The following PHYH variants were observed in gnomAD, a reference collection of about 807,000 sequenced individuals.
PHYH encodes phytanoyl-CoA 2-hydroxylase.
In PHYH, 32 loss-of-function variants were observed where a neutral mutation model predicts 38.5. The observed-to-expected ratio is 0.83, with a 90% confidence interval of 0.63 to 1.12. PHYH has a LOEUF of 1.12. Ranked by LOEUF, PHYH falls within the 50% of genes most tolerant of loss-of-function variation. The pLI is 0.00. For synonymous variants in PHYH, 166 were observed against 157.9 expected, an observed-to-expected ratio of 1.05 and a Z score of -0.38; for missense variants, 426 against 434.8, an observed-to-expected ratio of 0.98 and a Z score of 0.18.
chr10:13,288,289 T>C (rs1835604140), intron 6 of PHYH, 71 bp downstream of exon 6: 6 of 1,319,646 alleles, frequency 4.5e-6, no homozygotes, highest in Non-Finnish European at 6.6e-6. Flanking sequence ...GTAAACTCTT[T>C]AGAGGTACTG....
chr10:13,288,500 A>G lies in PHYH; in HGVS notation c.538T>C (p.Tyr180His), dbSNP rs1835616642. 6.2e-7 allele frequency: 1 copy of G among 1,614,092 alleles called. No homozygotes were observed. The highest frequency in any genetic ancestry group is 1.7e-5 in the Admixed American group (1 of 60,010). Residue 180 changes from tyrosine to histidine, a missense_variant, in exon 6 of 9, where the codon TAT becomes CAT. Physicochemically the swap from Tyr to His is moderately conservative, Grantham distance 83. Transcript: ENST00000263038. ...AGATCGCTGGGCCTGAAGGGGAAAT[A>G]GTGCAGGTCCTGGTGCAGGGGGTGA... ...SRHPLHQDLHYFPFRPSDLIV... is the reference protein window; with the variant it reads ...SRHPLHQDLHHFPFRPSDLIV...
intron 5 of PHYH, among the ~76,000 whole-genome samples, chr10:13,290,986 A>G (rs945638288): frequency 4.0e-5 from 6 of 151,390 alleles, no homozygotes; most frequent in African/African-American, 1.5e-4. Flanking sequence ...AATCCCAGTT[A>G]CTTGGGAGAC....
intron 4 of PHYH, 89 bp from the exon 5 acceptor site, chr10:13,292,001 A>T: frequency 1.2e-6 from 1 of 852,658 alleles, no homozygotes; most frequent in Non-Finnish European, 1.9e-6. Flanking sequence ...TATCCACACA[A>T]GAACCAAGAA....
chr10:13,281,248 C>T, intron 7 of PHYH, 138 bp from the exon 8 acceptor site: 2 of 823,794 alleles, frequency 2.4e-6, no homozygotes, highest in Non-Finnish European at 2.0e-6. Context: ...TCCATTGCAT[C>T]CTGTGTCAAT....
intron 3 of PHYH, chr10:13,294,819 T>A: frequency 3.6e-6 from 2 of 561,494 alleles, no homozygotes; most frequent in Non-Finnish European, 6.4e-6. Flanking sequence ...AGTAGGGAAG[T>A]CTTTTTATAA....
At chr10:13,295,836 A>C (rs1426386591) in intron 2 of PHYH, among the ~76,000 whole-genome samples, 1 of 150,762 alleles carries the variant, frequency 6.6e-6, no homozygotes, top group East Asian at 1.9e-4. Context: ...TGTCTCAAAA[A>C]AAAAAAAAAA....
rs185007334 is a variant in PHYH at position 13,294,995 on chromosome 10, G to A, written c.246-399C>T. The A allele has an allele frequency of 3.8e-3, 1,239 of 324,956 alleles. 1 individual carries two copies. Among genetic ancestry groups the A allele is most frequent in the Non-Finnish European group, 6.1e-3 (1,044 of 170,326 alleles). 20.1% of individuals were successfully genotyped at this position (324,956 alleles called of 1,614,324 possible). On this transcript the variant is annotated intron_variant, in intron 3 of 8. Transcript: ENST00000263038. ...CCCATTTTACAGATGAGGAAACAGA[G>A]GCATGGGATGTGAAGTAAATTGCCC...
At chr10:13,296,958 T>C (rs935147155) in intron 2 of PHYH, among the ~76,000 whole-genome samples, 4 of 150,924 alleles carry the variant, frequency 2.7e-5, no homozygotes, top group African/African-American at 4.9e-5. Flanking sequence ...GGTCTCAAAA[T>C]AAAATAAAAT....
At chr10:13,292,231 T>C (rs921760256) in intron 4 of PHYH, among the ~76,000 whole-genome samples, 3 of 152,158 alleles carry the variant, frequency 2.0e-5, no homozygotes, top group Admixed American at 6.6e-5. Flanking sequence ...GGTTGCTCAG[T>C]GGGAGGGCAG....
chr10:13,281,230 A>C, intron 7 of PHYH, 120 bp from the exon 8 acceptor site: 1 of 1,013,276 alleles, frequency 9.9e-7, no homozygotes, highest in Non-Finnish European at 1.5e-6. Context: ...TCTAAGTGGA[A>C]AGTCAGGTCC....
At chr10:13,290,337 C>A (rs768758097) in intron 5 of PHYH, among the ~76,000 whole-genome samples, 2 of 151,814 alleles carry the variant, frequency 1.3e-5, no homozygotes, top group Non-Finnish European at 2.9e-5. Flanking sequence ...AGGTCCTCAC[C>A]CCCCACAACT....
At chr10:13,293,817 T>C (rs1022727502) in intron 4 of PHYH, among the ~76,000 whole-genome samples, 2 of 152,120 alleles carry the variant, frequency 1.3e-5, no homozygotes, top group African/African-American at 4.8e-5. Context: ...TGAGTTTTTT[T>C]CCAATACATT....
At chr10:13,299,679 C>T in intron 1 of PHYH, 1 of 1,240,122 alleles carries the variant, frequency 8.1e-7, no homozygotes, top group African/African-American at 1.6e-5. Context: ...GGTGAAACGA[C>T]GTCTCCACAA....
chr10:13,285,182 T>C (rs997913272), intron 6 of PHYH, among the ~76,000 whole-genome samples: 2 of 152,144 alleles, frequency 1.3e-5, no homozygotes, highest in Non-Finnish European at 2.9e-5. Flanking sequence ...CGTTCTATTA[T>C]TATTATTATT....
In PHYH at chr10:13,294,490, T is replaced by A. The variant is rs758824248; in HGVS notation, c.352A>T (p.Ile118Phe). The A allele has an allele frequency of 1.9e-6, 3 of 1,614,148 alleles. No homozygotes were observed. In the South Asian group the frequency reaches 3.3e-5, roughly 18 times the overall value. ...KSEYAPSEKMITKVQDFQEDK... is the reference protein window; with the variant it reads ...KSEYAPSEKMFTKVQDFQEDK... ...TCCTGGAAATCCTGGACCTTCGTGA[T>A]CATCTTCTCACTTGGAGCATATTCG... Residue 118 changes from isoleucine (I) to phenylalanine (F), a missense_variant, in exon 4 of 9, where the codon ATC becomes TTC. By Grantham distance (21) the Ile-to-Phe change is conservative. Transcript: ENST00000263038.
chr10:13,292,311 C>T lies in PHYH; in HGVS notation c.415-399G>A, dbSNP rs565888374. Reference sequence around the variant, plus strand: ...CAATTCACAGCTGTCATGAATAGCCCGGAAGAAAGCAGAATGGTGGCTTGG... The same window carrying T: ...CAATTCACAGCTGTCATGAATAGCCTGGAAGAAAGCAGAATGGTGGCTTGG... On this transcript the variant is annotated intron_variant, in intron 4 of 8. Coordinates refer to ENST00000263038, the MANE Select transcript of PHYH (RefSeq NM_006214.4). Among the ~76,000 whole-genome samples, 10 of 152,260 alleles carry T rather than the reference C, an allele frequency of 6.6e-5. No homozygotes were observed. The South Asian group carries it at 1.9e-3, about 28-fold the overall frequency.
chr10:13,295,702 G>A (rs148656318), intron 2 of PHYH, 96 bp from the exon 3 acceptor site: 35 of 700,644 alleles, frequency 5.0e-5, no homozygotes, highest in Middle Eastern at 3.9e-4. Flanking sequence ...TTAGCGGGCC[G>A]AGGCAAGTGG....
chr10:13,290,660 T>A (rs941458945), intron 5 of PHYH, among the ~76,000 whole-genome samples: 5 of 152,092 alleles, frequency 3.3e-5, no homozygotes, highest in Non-Finnish European at 4.4e-5. Flanking sequence ...CGCAGCCTCC[T>A]GAGTAGTTGG....
At chr10:13,287,189 A>G (rs1051520565) in intron 6 of PHYH, among the ~76,000 whole-genome samples, 1 of 151,952 alleles carries the variant, frequency 6.6e-6, no homozygotes, top group African/African-American at 2.4e-5. Flanking sequence ...AAATACAAAA[A>G]TTAGCTGGGT....
Sources: gnomAD v4.1 joint callset for allele counts (sites outside exome capture counted in the v4.1 genomes callset) on GRCh38, gnomAD v4.1.1 for gene constraint, MANE v1.5 for transcripts, NCBI Gene and HGNC (gene_info 2026-07-23, HGNC 2026-07-21) for gene names.